Variants in INPP4B observed in about 807,000 individuals in gnomAD.
The protein encoded by INPP4B is inositol polyphosphate-4-phosphatase type II B.
Under a neutral mutation model 122.5 loss-of-function variants are expected in INPP4B, and 55 were observed. The observed-to-expected ratio is 0.45, with a 90% CI of 0.36 to 0.56. The LOEUF (loss-of-function observed/expected upper bound fraction) is 0.56, where lower values mean the gene tolerates loss of function less well. Ranked by LOEUF, INPP4B falls within the 20% of genes least tolerant of loss-of-function variation. The probability of loss-of-function intolerance (pLI) is 0.00; values close to 1 mark genes in which losing one functional copy is unlikely to be tolerated. For synonymous variants in INPP4B, 403 were observed against 388.7 expected (o/e 1.04, Z -0.43); for missense variants, 1,000 against 1,097.7 (o/e 0.91, Z 1.26).
In INPP4B at chr4:142,173,774, T is replaced by C. The variant is rs755899693; in HGVS notation, c.1217A>G (p.Asn406Ser). The part of the protein sequence containing the change: ...GYQFIYYSPE[N>S]TAKAKEVLSN... ...GAGAACTTCCTTTGCTTTGGCTGTG[T>C]TTTCAGGTGAATAGTAAATAAACTG... Residue 406 changes from asparagine (N) to serine (S), a missense_variant, in exon 16 of 26, where the codon AAC (asparagine) becomes AGC (serine). Physicochemically the swap from Asn to Ser is conservative, Grantham distance 46. Transcript: ENST00000262992. 6 of 1,613,214 alleles carry C rather than the reference T, an allele frequency of 3.7e-6. No homozygotes were observed. The highest frequency in any genetic ancestry group is 8.5e-7 in the Non-Finnish European group (1 of 1,179,398).
At chr4:142,624,236 C>A (rs1260561623) in intron 2 of INPP4B, among the ~76,000 whole-genome samples, 1 of 151,888 alleles carries the variant, frequency 6.6e-6, no homozygotes. Context: ...CCTGTTGTTT[C>A]CTGACTTTTT....
At chr4:142,192,488 T>C (rs1004819214) in intron 15 of INPP4B, among the ~76,000 whole-genome samples, 3 of 151,850 alleles carry the variant, frequency 2.0e-5, no homozygotes, top group African/African-American at 7.3e-5. Flanking sequence ...TGATAAGACA[T>C]GGGGGAGAAT....
At chr4:142,029,137 C>A in intron 25 of INPP4B, 1 of 1,232,524 alleles carries the variant, frequency 8.1e-7, no homozygotes, top group Non-Finnish European at 1.0e-6. Flanking sequence ...TCTCTTTACT[C>A]TTAACATTTA....
At chr4:142,447,701 A>C (rs1371615598) in intron 3 of INPP4B, among the ~76,000 whole-genome samples, 1 of 152,244 alleles carries the variant, frequency 6.6e-6, no homozygotes, top group African/African-American at 2.4e-5. Flanking sequence ...GAGTTTGAAC[A>C]ATAAGCATAA....
At chr4:142,227,856 T>TAAAAAAAAAAAAAAAAAAAAA (rs60375355) in intron 12 of INPP4B, among the ~76,000 whole-genome samples, 8 of 34,222 alleles carry the variant, frequency 2.3e-4, no homozygotes, top group Non-Finnish European at 2.8e-4. Flanking sequence ...AGACTCTATC[T>TAAAAAAAAAAAAAAAAAAAAA]AAAAAAAAAA....
At chr4:142,166,690 A>G (rs1209861340) in intron 16 of INPP4B, among the ~76,000 whole-genome samples, 4 of 151,772 alleles carry the variant, frequency 2.6e-5, no homozygotes, top group Admixed American at 1.3e-4. Flanking sequence ...AAACAAATTT[A>G]CAAGAAAAAA....
At chr4:142,123,523 T>C in intron 19 of INPP4B, 108 bp from the exon 20 acceptor site, 1 of 1,037,558 alleles carries the variant, frequency 9.6e-7, no homozygotes, top group East Asian at 2.6e-5. Flanking sequence ...ATCAGGTATG[T>C]ATAACAAAAC....
chr4:142,246,059 ATGT>A (rs1437051633), intron 11 of INPP4B, among the ~76,000 whole-genome samples: 1 of 133,146 alleles, frequency 7.5e-6, no homozygotes, highest in Admixed American at 7.2e-5. Flanking sequence ...CATTATATAT[ATGT>A]GTGTGTGTAT....
intron 1 of INPP4B, among the ~76,000 whole-genome samples, chr4:142,808,862 C>T (rs1779167892): frequency 6.6e-6 from 1 of 152,072 alleles, no homozygotes. Context: ...TTTAGTATGA[C>T]ATGGCAGTGC....
At chr4:142,424,007 G>A (rs2149328477) in intron 5 of INPP4B, among the ~76,000 whole-genome samples, 1 of 151,756 alleles carries the variant, frequency 6.6e-6, no homozygotes, top group Middle Eastern at 3.4e-3. Flanking sequence ...TGTCTTTTTT[G>A]TATGTTCTGA....
At chr4:142,049,010 G>C (rs537566581) in intron 25 of INPP4B, among the ~76,000 whole-genome samples, 1 of 152,098 alleles carries the variant, frequency 6.6e-6, no homozygotes, top group East Asian at 1.9e-4. Context: ...CAATTACATT[G>C]TCAACAACTT....
At chr4:142,226,088 A>G (rs960501886) in intron 12 of INPP4B, among the ~76,000 whole-genome samples, 8 of 152,234 alleles carry the variant, frequency 5.3e-5, no homozygotes, top group Admixed American at 6.5e-5. Context: ...AATACTCAAC[A>G]TAAACAAAAT....
At chr4:142,202,437 A>C (rs1195586163) in intron 14 of INPP4B, among the ~76,000 whole-genome samples, 4 of 152,098 alleles carry the variant, frequency 2.6e-5, no homozygotes, top group South Asian at 2.1e-4. Context: ...TTTAAGGGAA[A>C]TCTGTGTCAA....
At chr4:142,148,229 T>C (rs1478462571) in intron 17 of INPP4B, among the ~76,000 whole-genome samples, 1 of 152,050 alleles carries the variant, frequency 6.6e-6, no homozygotes, top group African/African-American at 2.4e-5. Context: ...TGAAAGGAAC[T>C]TGTGTGTGTG....
At chr4:142,759,434 C>A (rs1455024532) in intron 1 of INPP4B, among the ~76,000 whole-genome samples, 2 of 152,096 alleles carry the variant, frequency 1.3e-5, no homozygotes, top group Non-Finnish European at 2.9e-5. Flanking sequence ...TATTAGAGAA[C>A]TAGTCCAAAT....
At chr4:142,291,688 C>A (rs1756535348) in intron 9 of INPP4B, among the ~76,000 whole-genome samples, 1 of 152,142 alleles carries the variant, frequency 6.6e-6, no homozygotes, top group South Asian at 2.1e-4. Context: ...GCCTTCATTT[C>A]TGACTCCATC....
intron 2 of INPP4B, among the ~76,000 whole-genome samples, chr4:142,483,065 C>T (rs545217198): frequency 2.6e-4 from 40 of 151,696 alleles, no homozygotes; most frequent in Admixed American, 2.2e-3. Context: ...CATAGTCCCC[C>T]CAAAATAAGG....
chr4:142,728,378 G>A (rs1287726528), intron 1 of INPP4B, among the ~76,000 whole-genome samples: 1 of 152,164 alleles, frequency 6.6e-6, no homozygotes, highest in Non-Finnish European at 1.5e-5. Flanking sequence ...GCATCAAGTA[G>A]ACCAACATCT....
chr4:142,532,806 T>C (rs1027680078), intron 2 of INPP4B, among the ~76,000 whole-genome samples: 4 of 152,200 alleles, frequency 2.6e-5, no homozygotes, highest in Non-Finnish European at 4.4e-5. Context: ...AATTATGAAA[T>C]GGATACTTGT....
Sources: gnomAD v4.1 joint callset for allele counts (sites outside exome capture counted in the v4.1 genomes callset) on GRCh38, gnomAD v4.1.1 for gene constraint, MANE v1.5 for transcripts, NCBI Gene and HGNC (gene_info 2026-07-23, HGNC 2026-07-21) for gene names.